SLC30A5: variants seen among roughly 807,000 people sequenced by gnomAD.
SLC30A5 encodes the protein proton-coupled zinc antiporter SLC30A5.
Under a neutral mutation model 79.6 loss-of-function variants are expected in SLC30A5, and 33 were observed. The observed-to-expected ratio is 0.41, with a 90% CI of 0.31 to 0.55. SLC30A5 has a LOEUF of 0.55. SLC30A5 is among the 20% of genes least tolerant of loss of function. The pLI, the probability that SLC30A5 is intolerant of heterozygous loss-of-function variation, is 0.20. For missense variants in SLC30A5, 788 were observed against 928.1 expected, an observed-to-expected ratio of 0.85 and a Z score of 1.96; for synonymous variants, 299 against 319.7, an observed-to-expected ratio of 0.94 and a Z score of 0.69.
intron 1 of SLC30A5, among the ~76,000 whole-genome samples, chr5:69,097,109 CTTTTTTTTTTTT>C (rs1228027917): frequency 3.4e-5 from 3 of 87,948 alleles, no homozygotes; most frequent in African/African-American, 9.6e-5. Flanking sequence ...CTCTCTTTTT[CTTTTTTTTTTTT>C]TTTTTTTTTT....
At chr5:69,114,226 G>A (rs1873431) in intron 6 of SLC30A5, among the ~76,000 whole-genome samples, 194 bp from the exon 7 acceptor site, 2,436 of 152,220 alleles carry the variant, frequency 0.016, 55 homozygotes, top group African/African-American at 0.055. Context: ...TATAAATGAG[G>A]TCCTGGAATT....
chr5:69,119,613 A>G (rs186166213), intron 12 of SLC30A5, among the ~76,000 whole-genome samples: 26 of 152,352 alleles, frequency 1.7e-4, no homozygotes, highest in African/African-American at 6.0e-4. Flanking sequence ...ATACATGAGT[A>G]AAATGTTTCT....
In SLC30A5 at chr5:69,114,434, G is replaced by A. The variant is rs377647584; in HGVS notation, c.550G>A (p.Asp184Asn). 6.8e-6 allele frequency: 11 copies of A among 1,608,780 alleles called. No homozygotes were observed. Among genetic ancestry groups the A allele is most frequent in the Non-Finnish European group, 9.4e-6 (11 of 1,175,752 alleles). The change falls in exon 7 of 16, where the codon GAC becomes AAC. Residue 184 changes from aspartate (D) to asparagine (N), a missense_variant. Asp to Asn is a conservative substitution (Grantham distance 23, BLOSUM62 1). Around this residue, in one of 3 missense-constraint regions of SLC30A5, gnomAD observed 626 missense variants for 755.5 expected, o/e 0.83. Coordinates refer to ENST00000396591, the MANE Select transcript of SLC30A5 (RefSeq NM_022902.5). ...KMAEHPEGHH[D>N]SALTHMLYTA... ...AACTCACTTAGCTGAAGGACATCAT[G>A]ACAGTGCTCTAACTCATATGCTTTA...
At chr5:69,129,057 G>A (rs1746779603) in intron 15 of SLC30A5, among the ~76,000 whole-genome samples, 1 of 152,118 alleles carries the variant, frequency 6.6e-6, no homozygotes, top group Non-Finnish European at 1.5e-5. Context: ...TCAAACTCCT[G>A]GGCTCAAGCG....
At chr5:69,128,564 TCTTCCAAATCTGTAA>T (rs1189139736) in intron 15 of SLC30A5, among the ~76,000 whole-genome samples, 1 of 152,098 alleles carries the variant, frequency 6.6e-6, no homozygotes, top group African/African-American at 2.4e-5. Context: ...CCCGGCCTAA[TCTTCCAAATCTGTAA>T]CGGTAATATA....
rs375201134 is a variant in SLC30A5, at chr5:69,128,119, G to T, written c.2114G>T (p.Arg705Ile). ...GTGACATCTGATGTGCTAGAACAAA[G>T]AATAGTACAGCAGGTAATCTTTTGT... is the stretch of plus-strand genomic sequence containing the variant. ...IQVTSDVLEQ[R>I]IVQQVTGILK... is the part of the protein sequence containing the mutation. Residue 705 changes from arginine (R) to isoleucine (I), a missense_variant, in exon 15 of 16, where the codon AGA (arginine) becomes ATA (isoleucine). This residue lies in a region of SLC30A5 where 158 missense variants were observed against 156.2 expected (regional missense o/e 1.01). Transcript: ENST00000396591. The T allele has an allele frequency of 4.4e-6, 7 of 1,608,648 alleles. No homozygotes were observed. Among genetic ancestry groups the T allele is most frequent in the Non-Finnish European group, 5.9e-6 (7 of 1,177,622 alleles).
At chr5:69,107,003 T>C (rs1347721689) in intron 4 of SLC30A5, among the ~76,000 whole-genome samples, 1 of 152,058 alleles carries the variant, frequency 6.6e-6, no homozygotes, top group Non-Finnish European at 1.5e-5. Flanking sequence ...TAGCTGGGAC[T>C]ACAGGTGCCT....
At chr5:69,117,486 A>C in intron 11 of SLC30A5, 90 bp downstream of exon 11, 1 of 1,129,644 alleles carries the variant, frequency 8.9e-7, no homozygotes, top group South Asian at 1.7e-5. Context: ...CTTTTAATAC[A>C]AATAATTTCC....
In SLC30A5 at chr5:69,116,565, A is replaced by T. The variant is rs1212513030; in HGVS notation, c.1244A>T (p.Asp415Val). 1.3e-6 allele frequency: 2 copies of T among 1,592,186 alleles called. No individual in the cohort carries two copies. Among genetic ancestry groups the T allele is most frequent in the Admixed American group, 3.7e-5 (2 of 54,162 alleles). Residue 415 changes from aspartate (D) to valine (V), a missense_variant, in exon 10 of 16, where the codon GAC (aspartate) becomes GTC (valine). Asp to Val is a radical substitution (Grantham distance 152). Coordinates refer to ENST00000396591, the MANE Select transcript of SLC30A5 (RefSeq NM_022902.5). The surrounding 1 kb of genome is among the most constrained non-coding windows in gnomAD (Gnocchi z 4.0). ...CTAAAACAAATTCTTGAGGAGAGTG[A>T]CTCTAGGCAGATCTTTTACTTCTTG... The part of the protein sequence containing the change: ...ESLKQILEES[D>V]SRQIFYFLCL...
chr5:69,119,389 C>T (rs755383980), intron 12 of SLC30A5, among the ~76,000 whole-genome samples: 2 of 152,068 alleles, frequency 1.3e-5, no homozygotes, highest in Non-Finnish European at 1.5e-5. Flanking sequence ...GATTCCTTTT[C>T]TCAGTATTCT....
In SLC30A5 at chr5:69,108,383, G is replaced by A. The variant is rs1436718164; in HGVS notation, c.394G>A (p.Val132Ile). 1 of 1,613,682 alleles carries A rather than the reference G, an allele frequency of 6.2e-7. No individual in the cohort carries two copies. Among genetic ancestry groups the A allele is most frequent in the African/African-American group, 1.3e-5 (1 of 75,038 alleles). The change falls in exon 5 of 16, where the codon GTC (valine) becomes ATC (isoleucine). Residue 132 changes from valine (V) to isoleucine (I), a missense_variant. Transcript: ENST00000396591. ...GCTATTTGAGCACAGTGATATTGTTGTCATTTCACTACTCAGTGTTTTGTT... is the reference window on the plus strand; with the variant it reads ...GCTATTTGAGCACAGTGATATTGTTATCATTTCACTACTCAGTGTTTTGTT... ...LLLFEHSDIV[V>I]ISLLSVLFTS...
Position 69,113,621 on chromosome 5 carries a change from C to T in SLC30A5, c.535+394C>T, listed in dbSNP as rs553384880. ...GAAAGAAAAAGTTCAAATTCCCTTA[C>T]CTAGTATTCATTGTCTTGCTCTAAA... On this transcript the variant is annotated intron_variant, in intron 6 of 15. Transcript: ENST00000396591. Among the ~76,000 whole-genome samples the T allele has an allele frequency of 5.3e-5, 8 of 152,142 alleles. 1 individual carries two copies. Among genetic ancestry groups the T allele is most frequent in the Non-Finnish European group, 1.2e-4 (8 of 68,022 alleles).
intron 4 of SLC30A5, 85 bp downstream of exon 4, chr5:69,104,801 T>C (rs1050407339): frequency 6.6e-6 from 9 of 1,357,034 alleles, no homozygotes; most frequent in Admixed American, 4.0e-5. Context: ...TTACGTCAAA[T>C]ATTTATCTGT....
chr5:69,101,894 T>A (rs61344695), intron 2 of SLC30A5, among the ~76,000 whole-genome samples: 1 of 150,734 alleles, frequency 6.6e-6, no homozygotes, highest in Non-Finnish European at 1.5e-5. Flanking sequence ...GAGGCAGCGG[T>A]TGCAGTGAGC....
rs192601515 is a variant in SLC30A5, at chr5:69,108,399, G to A, written c.410G>A (p.Ser137Asn). 7.4e-6 allele frequency: 12 copies of A among 1,613,930 alleles called. No homozygotes were observed. The African/African-American group carries it at 1.1e-4, about 14-fold the overall frequency. ...HSDIVVISLL[S>N]VLFTSSGGGP... is the part of the protein sequence containing the mutation. ...GATATTGTTGTCATTTCACTACTCA[G>A]TGTTTTGTTCACCAGTTCTGGAGGA... The change falls in exon 5 of 16, where the codon AGT becomes AAT. Residue 137 changes from serine to asparagine, a missense_variant. Physicochemically the swap from Ser to Asn is conservative, Grantham distance 46. Coordinates refer to ENST00000396591, the MANE Select transcript of SLC30A5 (RefSeq NM_022902.5).
intron 15 of SLC30A5, 109 bp from the exon 16 acceptor site, chr5:69,129,338 T>C (rs1445637347): frequency 1.3e-6 from 1 of 779,250 alleles, no homozygotes; most frequent in Non-Finnish European, 1.9e-6. Context: ...AGATTTCGTA[T>C]TTTCAGATTA....
chr5:69,117,265 T>C lies in SLC30A5; in HGVS notation c.1308T>C (p.Tyr436=), dbSNP rs1219407976. The C allele has an allele frequency of 1.9e-6, 3 of 1,613,764 alleles. No homozygotes were observed. Among genetic ancestry groups the C allele is most frequent in the Non-Finnish European group, 2.5e-6 (3 of 1,179,788 alleles). Residue 436 remains tyrosine (Y), a synonymous_variant, in exon 11 of 16, where the codon TAT becomes TAC. Transcript: ENST00000396591. ...NLLFTFVELF[Y]GVLTNSLGLI... ...TTTTTACCTTTGTGGAATTATTCTATGGCGTGCTGACCAATAGTCTGGGCC... is the reference window on the plus strand; with the variant it reads ...TTTTTACCTTTGTGGAATTATTCTACGGCGTGCTGACCAATAGTCTGGGCC...
At chr5:69,128,249 T>TA in intron 15 of SLC30A5, 117 bp downstream of exon 15, 17 of 450,068 alleles carry the variant, frequency 3.8e-5, no homozygotes, top group Non-Finnish European at 5.6e-5. Flanking sequence ...ATCTTCCAAC[T>TA]CTTTTTTTTT....
At chr5:69,112,672 T>C (rs1024286895) in intron 5 of SLC30A5, among the ~76,000 whole-genome samples, 1 of 152,244 alleles carries the variant, frequency 6.6e-6, no homozygotes, top group Non-Finnish European at 1.5e-5. Flanking sequence ...AAGTACTTTG[T>C]ACTTTACTAG....
Sources: gnomAD v4.1 joint callset for allele counts (sites outside exome capture counted in the v4.1 genomes callset) on GRCh38, gnomAD v4.1.1 for gene constraint, gnomAD v4.1.1 regional missense constraint, Gnocchi (gnomAD v3.1) non-coding constraint, MANE v1.5 for transcripts, NCBI Gene and HGNC (gene_info 2026-07-23, HGNC 2026-07-21) for gene names.